NFAM1: variants seen among roughly 807,000 people sequenced by gnomAD.
NFAM1 encodes NFAT activating protein with ITAM motif 1.
NFAM1 carries 17 observed loss-of-function variants against 29.0 expected under a neutral mutation model. The observed-to-expected ratio is 0.59, with a 90% confidence interval of 0.40 to 0.88. The LOEUF (loss-of-function observed/expected upper bound fraction) is 0.88. NFAM1 is among the 40% of genes least tolerant of loss of function. The pLI is 0.00. For synonymous variants in NFAM1, 175 were observed against 147.2 expected, an observed-to-expected ratio of 1.19 and a Z score of -1.36; for missense variants, 324 against 344.6, an observed-to-expected ratio of 0.94 and a Z score of 0.47.
rs2092175 is a variant in NFAM1, at chr22:42,383,746, T to A, written c.*1415A>T. ...GCAGGGGCGGGGCCTGTGCCTTGGG[T>A]TCCCCCCCCTCCCTGGGCACATTTG... is the stretch of plus-strand genomic sequence containing the variant. On this transcript the variant is annotated 3_prime_UTR_variant, in exon 6 of 6. Coordinates refer to ENST00000329021, the MANE Select transcript of NFAM1 (RefSeq NM_145912.8). 0.49 allele frequency: 74,255 copies of A among 151,456 alleles called. 19,254 individuals are homozygous for A. Among genetic ancestry groups the A allele is most frequent in the African/African-American group, 0.67 (27,298 of 40,492 alleles). The allele number at this position is 151,456 out of a possible 1,614,324, so 9.4% of individuals were successfully genotyped here. A position where few individuals can be genotyped will look rare whatever the true frequency, so the allele number is the denominator to read the frequency against.
intron 1 of NFAM1, among the ~76,000 whole-genome samples, chr22:42,421,267 A>G (rs1054685411): frequency 6.6e-6 from 1 of 152,038 alleles, no homozygotes; most frequent in African/African-American, 2.4e-5. Flanking sequence ...CCTGGCCAAC[A>G]TGGTGAAACC....
intron 3 of NFAM1, among the ~76,000 whole-genome samples, chr22:42,398,785 G>A (rs2147098406): frequency 2.0e-5 from 3 of 152,278 alleles, no homozygotes; most frequent in Admixed American, 2.0e-4. Context: ...GGCACAAGGA[G>A]TAGGTGCCTG....
chr22:42,385,500 G>A (rs527479453), intron 5 of NFAM1, among the ~76,000 whole-genome samples: 147 of 152,050 alleles, frequency 9.7e-4, no homozygotes, highest in African/African-American at 3.4e-3. Flanking sequence ...CTATGTGTGG[G>A]ATGCGCCTCC....
At chr22:42,410,504 CA>C (rs1403771416) in intron 2 of NFAM1, 4 of 368,912 alleles carry the variant, frequency 1.1e-5, no homozygotes, top group Non-Finnish European at 2.2e-5. Flanking sequence ...ATTAAAAATA[CA>C]AAAAGTAGCC....
At chr22:42,404,284 G>A (rs529111425) in intron 3 of NFAM1, among the ~76,000 whole-genome samples, 1 of 152,118 alleles carries the variant, frequency 6.6e-6, no homozygotes, top group East Asian at 1.9e-4. Flanking sequence ...ACCGCGGTTC[G>A]GGTCCACCCT....
chr22:42,430,316 T>G (rs1930754879), intron 1 of NFAM1, among the ~76,000 whole-genome samples: 1 of 151,898 alleles, frequency 6.6e-6, no homozygotes, highest in South Asian at 2.1e-4. Context: ...TCCCAGCACT[T>G]TGGGAGGCTG....
At position 42,397,915 on chromosome 22, in the gene NFAM1, G is replaced by A. The variant is rs765391255; in HGVS notation, c.606C>T (p.Cys202=). The A allele has an allele frequency of 1.5e-5, 24 of 1,612,234 alleles. No individual in the cohort carries two copies. The highest frequency in any genetic ancestry group is 1.9e-5 in the Non-Finnish European group (22 of 1,178,934). The part of the protein sequence containing the change: ...RGPGKDPTRK[C]PDPRSASSPK... The stretch of plus-strand genomic sequence containing the variant: ...GGCTGCTGGCAGATCTTGGATCTGG[G>A]CACTTCCTGGTGGGGTCCTTCCCTG... The change falls in exon 4 of 6, where the codon TGC becomes TGT. Residue 202 remains cysteine, a synonymous_variant. Transcript: ENST00000329021.
chr22:42,385,601 C>T (rs747699506), intron 5 of NFAM1, among the ~76,000 whole-genome samples: 1 of 152,120 alleles, frequency 6.6e-6, no homozygotes, highest in African/African-American at 2.4e-5. Flanking sequence ...CCTCCCTCCC[C>T]ACCCTGGCTG....
chr22:42,381,052 C>T lies in NFAM1; in HGVS notation c.*4109G>A, dbSNP rs907060383. On this transcript the variant is annotated 3_prime_UTR_variant, in exon 6 of 6. Transcript: ENST00000329021. ...TTGCTGAGGAGGGGCCACCGTTTACCGCACCCACTGCAAGTTCTGGACTGG... is the reference window on the plus strand; with the variant it reads ...TTGCTGAGGAGGGGCCACCGTTTACTGCACCCACTGCAAGTTCTGGACTGG... 4.6e-5 allele frequency: 7 copies of T among 152,690 alleles called. No individual in the cohort carries two copies. Among genetic ancestry groups the T allele is most frequent in the African/African-American group, 1.7e-4 (7 of 41,448 alleles). 9.5% of individuals were successfully genotyped at this position (152,690 alleles called of 1,614,324 possible).
chr22:42,396,441 C>T (rs1368136654), intron 4 of NFAM1, among the ~76,000 whole-genome samples: 5 of 151,586 alleles, frequency 3.3e-5, no homozygotes, highest in African/African-American at 1.2e-4. Flanking sequence ...TAGTATTTAT[C>T]CTGGAAGAAG....
chr22:42,428,447 T>G (rs1405472560), intron 1 of NFAM1, among the ~76,000 whole-genome samples: 7 of 152,050 alleles, frequency 4.6e-5, no homozygotes, highest in African/African-American at 1.7e-4. Context: ...TTTTTTATTA[T>G]TATTACTTTT....
intron 1 of NFAM1, among the ~76,000 whole-genome samples, chr22:42,414,167 C>T (rs1403118386): frequency 1.3e-5 from 2 of 152,152 alleles, no homozygotes; most frequent in African/African-American, 2.4e-5. Flanking sequence ...ACAGTGGGTT[C>T]GACTTGTAAT....
intron 1 of NFAM1, 88 bp from the exon 2 acceptor site, chr22:42,411,824 G>C (rs1178623253): frequency 2.3e-6 from 2 of 870,720 alleles, no homozygotes. Context: ...ACGACCGGGT[G>C]CGGTGGCTCA....
At chr22:42,416,645 C>T (rs551002012) in intron 1 of NFAM1, among the ~76,000 whole-genome samples, 10 of 151,954 alleles carry the variant, frequency 6.6e-5, no homozygotes, top group Non-Finnish European at 8.8e-5. Flanking sequence ...GCAGGGCATC[C>T]GGCCTGCCCC....
At chr22:42,393,553 C>T (rs1184027344) in intron 4 of NFAM1, among the ~76,000 whole-genome samples, 1 of 150,664 alleles carries the variant, frequency 6.6e-6, no homozygotes, top group Non-Finnish European at 1.5e-5. Context: ...GGACTACAGG[C>T]GCCCGCCACC....
chr22:42,398,046 C>T lies in NFAM1; in HGVS notation c.565-90G>A, dbSNP rs956360984. 3 of 670,334 alleles carry T rather than the reference C, an allele frequency of 4.5e-6. No individual in the cohort carries two copies. In the African/African-American group the frequency reaches 5.5e-5, roughly 12 times the overall value. The allele number at this position is 670,334 out of a possible 1,614,324, so 41.5% of individuals were successfully genotyped here. A position where few individuals can be genotyped will look rare whatever the true frequency, so the allele number is the denominator to read the frequency against. ...CCCAGGGGAAAGGATGGCAGATTGT[C>T]ATGAGGTCACACAGAGATTCATCAC... is the stretch of plus-strand genomic sequence containing the variant. On this transcript the variant is annotated intron_variant, in intron 3 of 5. Transcript: ENST00000329021.
intron 1 of NFAM1, among the ~76,000 whole-genome samples, chr22:42,421,163 C>T (rs1238934416): frequency 1.3e-5 from 2 of 151,382 alleles, no homozygotes; most frequent in African/African-American, 2.4e-5. Context: ...TGAAAATGCT[C>T]CCATGGGCTA....
intron 1 of NFAM1, among the ~76,000 whole-genome samples, chr22:42,431,248 A>G (rs1409864111): frequency 1.3e-5 from 2 of 152,058 alleles, no homozygotes; most frequent in East Asian, 1.9e-4. Flanking sequence ...GGACAATAGG[A>G]GCCCCAAGGG....
rs558965423 is a variant in NFAM1 at position 42,385,273 on chromosome 22, T to C, written c.754-53A>G. On this transcript the variant is annotated intron_variant, in intron 5 of 5. Transcript: ENST00000329021. ...AGGAGAGAAAGAGAGAGAATGACCATTAAGAATGAACTTGCACTAATTTAG... is the reference window on the plus strand; with the variant it reads ...AGGAGAGAAAGAGAGAGAATGACCACTAAGAATGAACTTGCACTAATTTAG... 5.4e-6 allele frequency: 7 copies of C among 1,289,312 alleles called. No homozygotes were observed. In the East Asian group the frequency reaches 1.6e-4, roughly 30 times the overall value. 79.9% of individuals were successfully genotyped at this position (1,289,312 alleles called of 1,614,324 possible). A position where few individuals can be genotyped will look rare whatever the true frequency, so the allele number is the denominator to read the frequency against.
Sources: gnomAD v4.1 joint callset for allele counts (sites outside exome capture counted in the v4.1 genomes callset) on GRCh38, gnomAD v4.1.1 for gene constraint, MANE v1.5 for transcripts, NCBI Gene and HGNC (gene_info 2026-07-23, HGNC 2026-07-21) for gene names.